Variants in RBFOX2 observed in about 807,000 individuals in gnomAD.
RBFOX2 encodes the protein RNA binding protein fox-1 homolog 2.
In RBFOX2, 10 loss-of-function variants were observed where a neutral mutation model predicts 49.1. The observed-to-expected ratio is 0.20, with a 90% confidence interval of 0.13 to 0.35. The LOEUF (loss-of-function observed/expected upper bound fraction) is 0.35. Among genes scored for constraint, RBFOX2 ranks in the 10% least tolerant of loss-of-function variants. The pLI is 1.00. For missense variants in RBFOX2, 323 were observed against 486.9 expected (o/e 0.66, Z 3.17); for synonymous variants, 183 against 187.4 (o/e 0.98, Z 0.19).
intron 1 of RBFOX2, among the ~76,000 whole-genome samples, chr22:35,830,655 C>T (rs1956617321): frequency 6.6e-6 from 1 of 152,034 alleles, no homozygotes; most frequent in Admixed American, 6.6e-5. Context: ...ATAACACAAA[C>T]CTAAGTATTT....
chr22:35,822,303 CA>C (rs1018201157), intron 1 of RBFOX2, among the ~76,000 whole-genome samples: 2 of 152,174 alleles, frequency 1.3e-5, no homozygotes, highest in African/African-American at 4.8e-5. Context: ...TCTCCTTTTG[CA>C]TTCTCTAATT....
intron 1 of RBFOX2, among the ~76,000 whole-genome samples, chr22:35,929,648 G>A (rs1021536511): frequency 7.9e-5 from 12 of 151,820 alleles, no homozygotes; most frequent in African/African-American, 2.7e-4. Flanking sequence ...GTCCAAAAGC[G>A]ACCATTTTTT....
At chr22:35,808,558 C>A (rs1185212977) in intron 2 of RBFOX2, among the ~76,000 whole-genome samples, 1 of 152,084 alleles carries the variant, frequency 6.6e-6, no homozygotes, top group Non-Finnish European at 1.5e-5. Flanking sequence ...TAGAAATAGA[C>A]CACACAAGGC....
intron 1 of RBFOX2, among the ~76,000 whole-genome samples, chr22:36,006,074 A>G (rs572875436): frequency 8.5e-5 from 13 of 152,352 alleles, no homozygotes; most frequent in African/African-American, 2.9e-4. Context: ...AGAACGAGCA[A>G]TCAAAATGTG....
At chr22:36,012,519 G>A (rs1170696341) in intron 1 of RBFOX2, among the ~76,000 whole-genome samples, 2 of 152,086 alleles carry the variant, frequency 1.3e-5, no homozygotes, top group South Asian at 4.1e-4. Flanking sequence ...GTTCAAGGCT[G>A]CAGTGAGCTA....
chr22:35,799,316 G>A (rs1949343436), intron 2 of RBFOX2, among the ~76,000 whole-genome samples: 1 of 152,150 alleles, frequency 6.6e-6, no homozygotes, highest in Non-Finnish European at 1.5e-5. Context: ...GCCCAGAGAT[G>A]ATCAAGTGTC....
chr22:35,989,629 T>C (rs2057881797), intron 1 of RBFOX2, among the ~76,000 whole-genome samples: 2 of 152,156 alleles, frequency 1.3e-5, no homozygotes, highest in South Asian at 4.1e-4. Context: ...TTTATTTATT[T>C]ATTTTGTTTA....
intron 1 of RBFOX2, chr22:35,997,854 A>C (rs1328500222): frequency 2.6e-5 from 4 of 152,144 alleles, no homozygotes; most frequent in Non-Finnish European, 4.4e-5. Flanking sequence ...TAAATAAAAA[A>C]TTACCCAGAC....
chr22:35,898,874 C>T (rs1462415607), intron 1 of RBFOX2, among the ~76,000 whole-genome samples: 1 of 152,124 alleles, frequency 6.6e-6, no homozygotes, highest in African/African-American at 2.4e-5. Flanking sequence ...TGCCTGTCAT[C>T]CCAGCACTTT....
chr22:35,940,588 T>C (rs189555256), upstream of RBFOX2, among the ~76,000 whole-genome samples: 1 of 152,158 alleles, frequency 6.6e-6, no homozygotes, highest in Non-Finnish European at 1.5e-5. Context: ...CACCTGGGTA[T>C]GTAACTAAGA....
At chr22:35,822,843 G>A (rs79357739) in intron 1 of RBFOX2, 7 of 297,224 alleles carry the variant, frequency 2.4e-5, no homozygotes, top group African/African-American at 2.1e-4. Context: ...TTTTTTTTTT[G>A]AGAGTGAGTC....
intron 1 of RBFOX2, among the ~76,000 whole-genome samples, chr22:35,927,977 T>C (rs1210228317): frequency 6.6e-6 from 1 of 152,214 alleles, no homozygotes; most frequent in Non-Finnish European, 1.5e-5. Flanking sequence ...GAACTAATCA[T>C]TCCCTTGTAA....
chr22:36,028,200 C>G (rs2059524400), intron 1 of RBFOX2, 40 bp downstream of exon 1: 9 of 1,447,682 alleles, frequency 6.2e-6, no homozygotes, highest in Non-Finnish European at 7.2e-6. Context: ...CCCTCACGCC[C>G]ACCCCCGCAA....
chr22:35,938,965 T>A, upstream of RBFOX2: 1 of 1,394,902 alleles, frequency 7.2e-7, no homozygotes, highest in Non-Finnish European at 1.0e-6. Flanking sequence ...ATCAAAATCA[T>A]CCAAACTGAT....
intron 1 of RBFOX2, among the ~76,000 whole-genome samples, chr22:35,846,525 T>A (rs1384312156): frequency 2.6e-5 from 4 of 151,644 alleles, no homozygotes; most frequent in African/African-American, 9.7e-5. Flanking sequence ...AGGAGGTGGA[T>A]CACCCGAGGA....
In RBFOX2 at chr22:35,931,280, C is replaced by T. The variant is rs2052367950; in HGVS notation, c.-34+7567G>A. 2.0e-5 allele frequency among the ~76,000 whole-genome samples: 3 copies of T among 148,988 alleles called. No individual in the cohort carries two copies. In the South Asian group the frequency reaches 6.3e-4, roughly 31 times the overall value. On this transcript the variant is annotated intron_variant, in intron 1 of 13. Transcript: ENST00000359369. ...GGGGAAAAAAAGCAATTTCACACTTCCTGTAATTTAAGAGCAAAGCAAAAG... is the reference window on the plus strand; with the variant it reads ...GGGGAAAAAAAGCAATTTCACACTTTCTGTAATTTAAGAGCAAAGCAAAAG...
chr22:35,859,233 A>G (rs2042859962), intron 1 of RBFOX2, among the ~76,000 whole-genome samples: 1 of 152,210 alleles, frequency 6.6e-6, no homozygotes, highest in African/African-American at 2.4e-5. Context: ...ACAAGCAATT[A>G]ATGCTTAAAA....
At position 35,759,123 on chromosome 22, in the gene RBFOX2, C is replaced by T. The variant is rs1397722126; in HGVS notation, c.887+765G>A. Among the ~76,000 whole-genome samples the T allele has an allele frequency of 6.6e-6, 1 of 152,186 alleles. No homozygotes were observed. The highest frequency in any genetic ancestry group is 3.4e-3 in the Middle Eastern group (1 of 292). ...GCATTTTAGGCTGACACTGAGAAAC[C>T]CCTAAAAACAAAACCTGCCATCTTC... On this transcript the variant is annotated intron_variant, in intron 9 of 11. Coordinates refer to ENST00000405409, the Ensembl canonical transcript of RBFOX2. This position sits in a 1 kb window ranked among gnomAD's most constrained non-coding sequence, Gnocchi z 4.6.
chr22:35,764,111 A>G (rs1939988955), intron 6 of RBFOX2, among the ~76,000 whole-genome samples: 1 of 152,238 alleles, frequency 6.6e-6, no homozygotes, highest in South Asian at 2.1e-4. Context: ...TCATACCGAT[A>G]AAAGGAGTAA....
Sources: allele counts gnomAD v4.1 joint callset (sites outside exome capture counted in the v4.1 genomes callset), GRCh38; gene constraint gnomAD v4.1.1; non-coding constraint Gnocchi (gnomAD v3.1); transcripts MANE v1.5; gene names NCBI Gene and HGNC (gene_info 2026-07-23, HGNC 2026-07-21).